The following PEMT variants were observed in gnomAD, a reference collection of about 807,000 sequenced individuals.
The protein encoded by PEMT is phosphatidylethanolamine N-methyltransferase.
Under a neutral mutation model 27.4 loss-of-function variants are expected in PEMT, and 23 were observed. The ratio of observed to expected loss-of-function variants is 0.84; its 90% confidence interval spans 0.60 to 1.19. The LOEUF (loss-of-function observed/expected upper bound fraction) is 1.19. Ranked by LOEUF, PEMT falls within the 50% of genes most tolerant of loss-of-function variation. The probability of loss-of-function intolerance (pLI) is 0.00; values close to 1 mark genes in which losing one functional copy is unlikely to be tolerated. For missense variants in PEMT, 307 were observed against 310.1 expected (o/e 0.99, Z 0.07); for synonymous variants, 137 against 139.1 (o/e 0.98, Z 0.11).
At chr17:17,583,903 A>G (rs554249379) in intron 1 of PEMT, among the ~76,000 whole-genome samples, 2 of 152,236 alleles carry the variant, frequency 1.3e-5, no homozygotes, top group African/African-American at 4.8e-5. Context: ...TAGATCCCAC[A>G]GTAAAACGAA....
intron 6 of PEMT, 106 bp from the exon 7 acceptor site, chr17:17,505,954 G>C: frequency 1.4e-6 from 2 of 1,434,770 alleles, no homozygotes; most frequent in Non-Finnish European, 1.8e-6. Context: ...GATGGGACCG[G>C]GATCCCCTTC....
Position 17,508,782 on chromosome 17 carries a change from A to G in PEMT, c.578+652T>C, listed in dbSNP as rs1373687822. On this transcript the variant is annotated intron_variant, in intron 5 of 6. Coordinates refer to ENST00000255389, the MANE Select transcript of PEMT (RefSeq NM_148172.3). ...CCTGGCTGAGGCCGACAGCAGTTCT[A>G]GGCTTCCCTCATGGCACGGGGCCCC... 4 of 467,302 alleles carry G rather than the reference A, an allele frequency of 8.6e-6. No homozygotes were observed. The East Asian group carries it at 2.9e-4, about 34-fold the overall frequency. 28.9% of individuals were successfully genotyped at this position (467,302 alleles called of 1,614,324 possible).
intron 2 of PEMT, among the ~76,000 whole-genome samples, chr17:17,530,481 A>G (rs1210276534): frequency 1.3e-5 from 2 of 151,918 alleles, no homozygotes; most frequent in African/African-American, 4.8e-5. Flanking sequence ...GGTGACAGAG[A>G]GACTCCGTCT....
rs534110156 is a variant in PEMT, at chr17:17,527,638, C to T, written c.205-5243G>A. 5.9e-5 allele frequency among the ~76,000 whole-genome samples: 9 copies of T among 152,366 alleles called. No individual in the cohort carries two copies. In the East Asian group the frequency reaches 1.2e-3, roughly 20 times the overall value. On this transcript the variant is annotated intron_variant, in intron 2 of 6. Coordinates refer to ENST00000255389, the MANE Select transcript of PEMT (RefSeq NM_148172.3). ...ATGAAATGCCTGGAACGATACTACA[C>T]CAGGCACATGGGCGCATGGCGGTGC...
intron 2 of PEMT, among the ~76,000 whole-genome samples, chr17:17,574,018 C>T (rs941398646): frequency 1.3e-5 from 2 of 152,034 alleles, no homozygotes; most frequent in Admixed American, 6.6e-5. Flanking sequence ...CTTGGCTCAA[C>T]TGATCCACCC....
chr17:17,572,697 G>A (rs1004120722), intron 2 of PEMT, among the ~76,000 whole-genome samples: 1 of 152,214 alleles, frequency 6.6e-6, no homozygotes, highest in African/African-American at 2.4e-5. Flanking sequence ...GGGCCGGGAT[G>A]GTGCCCAGCG....
At chr17:17,534,928 TTTTA>T (rs869195108) in intron 2 of PEMT, among the ~76,000 whole-genome samples, 1 of 151,946 alleles carries the variant, frequency 6.6e-6, no homozygotes, top group African/African-American at 2.4e-5. Flanking sequence ...TTTTATTTTA[TTTTA>T]TTTTTTGAGA....
intron 1 of PEMT, among the ~76,000 whole-genome samples, chr17:17,583,686 C>T (rs1912093484): frequency 6.6e-6 from 1 of 152,218 alleles, no homozygotes; most frequent in African/African-American, 2.4e-5. Context: ...AGTACAGGGC[C>T]CACTCAGGGC....
In PEMT at chr17:17,563,569, A is replaced by G. The variant is rs150834604; in HGVS notation, c.204+13351T>C. ...GCGACTAAAAATTTCATGAGCAAAG[A>G]TCATTAATAGCAATAGCAACATCGC... is the stretch of plus-strand genomic sequence containing the variant. On this transcript the variant is annotated intron_variant, in intron 2 of 6. Coordinates refer to ENST00000255389, the MANE Select transcript of PEMT (RefSeq NM_148172.3). 2.6e-4 allele frequency among the ~76,000 whole-genome samples: 40 copies of G among 152,298 alleles called. No individual in the cohort carries two copies. In the East Asian group the frequency reaches 6.9e-3, roughly 26 times the overall value.
At chr17:17,522,249 T>C in intron 3 of PEMT, 31 bp downstream of exon 3, 1 of 1,504,946 alleles carries the variant, frequency 6.6e-7, no homozygotes, top group Non-Finnish European at 9.3e-7. Context: ...GCCCAGGGGT[T>C]GTGGCTCCCC....
chr17:17,586,264 G>GAAAGAAAGAAAGAAAT (rs1912283031), intron 1 of PEMT, among the ~76,000 whole-genome samples: 1 of 109,756 alleles, frequency 9.1e-6, no homozygotes, highest in Non-Finnish European at 1.8e-5. Context: ...AAGAAAGAAA[G>GAAAGAAAGAAAGAAAT]AAAGAAAGAA....
intron 2 of PEMT, among the ~76,000 whole-genome samples, chr17:17,550,980 T>C (rs956249247): frequency 6.6e-6 from 1 of 152,254 alleles, no homozygotes; most frequent in East Asian, 1.9e-4. Context: ...AGATCTTGCA[T>C]GTACCTGCCC....
At chr17:17,544,559 C>T (rs1261730034) in intron 2 of PEMT, among the ~76,000 whole-genome samples, 5 of 152,096 alleles carry the variant, frequency 3.3e-5, no homozygotes, top group African/African-American at 4.8e-5. Flanking sequence ...CCACCGCATC[C>T]GGCCTCCAGC....
At chr17:17,524,139 T>A (rs1030941552) in intron 2 of PEMT, among the ~76,000 whole-genome samples, 2 of 152,206 alleles carry the variant, frequency 1.3e-5, no homozygotes, top group African/African-American at 4.8e-5. Flanking sequence ...TATAAAGATT[T>A]TGTCCACCGG....
At chr17:17,516,623 C>T (rs973285625) in intron 3 of PEMT, among the ~76,000 whole-genome samples, 2 of 152,340 alleles carry the variant, frequency 1.3e-5, no homozygotes, top group South Asian at 2.1e-4. Flanking sequence ...GACACCCACT[C>T]TCCTTCCAGA....
intron 2 of PEMT, among the ~76,000 whole-genome samples, chr17:17,574,585 T>G (rs184626841): frequency 1.3e-5 from 2 of 152,110 alleles, no homozygotes; most frequent in African/African-American, 4.8e-5. Flanking sequence ...CCTCCCAAAG[T>G]GCTGGGATTA....
intron 2 of PEMT, among the ~76,000 whole-genome samples, chr17:17,575,076 C>T (rs11867345): frequency 0.45 from 67,784 of 152,112 alleles, 15,702 homozygotes; most frequent in Middle Eastern, 0.52. Flanking sequence ...AATCCCCAAT[C>T]AGTTACCACT....
intron 1 of PEMT, among the ~76,000 whole-genome samples, chr17:17,580,709 G>A (rs916294646): frequency 6.6e-6 from 1 of 151,906 alleles, no homozygotes; most frequent in African/African-American, 2.4e-5. Context: ...TCCCCATTCA[G>A]CCCCCAGCCA....
intron 3 of PEMT, among the ~76,000 whole-genome samples, chr17:17,517,356 G>A (rs1282452049): frequency 6.6e-6 from 1 of 152,244 alleles, no homozygotes; most frequent in African/African-American, 2.4e-5. Context: ...ATTCTGGCCT[G>A]TTCTGCCAAG....
Sources: gnomAD v4.1 joint callset for allele counts (sites outside exome capture counted in the v4.1 genomes callset) on GRCh38, gnomAD v4.1.1 for gene constraint, MANE v1.5 for transcripts, NCBI Gene and HGNC (gene_info 2026-07-23, HGNC 2026-07-21) for gene names.